Variants in DISC1 observed in about 807,000 individuals in gnomAD.
DISC1 encodes DISC1 scaffold protein.
A neutral mutation model predicts 84.5 loss-of-function variants in DISC1; 57 were observed. The ratio of observed to expected loss-of-function variants is 0.67; its 90% CI spans 0.55 to 0.84. The LOEUF (loss-of-function observed/expected upper bound fraction) is 0.84. Among genes scored for constraint, DISC1 ranks in the 40% least tolerant of loss-of-function variants. DISC1 has a pLI of 0.00. For synonymous variants in DISC1, 411 were observed against 415.2 expected, an observed-to-expected ratio of 0.99 and a Z score of 0.12; for missense variants, 1,000 against 1,057.8, an observed-to-expected ratio of 0.95 and a Z score of 0.76.
At chr1:231,890,199 C>T (rs774440449) in intron 9 of DISC1, among the ~76,000 whole-genome samples, 2 of 152,092 alleles carry the variant, frequency 1.3e-5, no homozygotes, top group South Asian at 4.1e-4. Flanking sequence ...ATATAAACTG[C>T]GTATTTTCAC....
At chr1:231,908,060 A>C (rs965137348) in intron 9 of DISC1, among the ~76,000 whole-genome samples, 2 of 152,174 alleles carry the variant, frequency 1.3e-5, no homozygotes, top group African/African-American at 4.8e-5. Context: ...AGTTCTTTGT[A>C]GATTCTGGAT....
rs541649503 is a variant in DISC1, at chr1:231,800,915, G to A, written c.1792+705G>A. Among the ~76,000 whole-genome samples the A allele has an allele frequency of 4.6e-5, 7 of 151,812 alleles. No homozygotes were observed. The South Asian group carries it at 1.0e-3, about 23-fold the overall frequency. On this transcript the variant is annotated intron_variant, in intron 8 of 12. Transcript: ENST00000439617. ...GGGGCTAAAGTCCAGGCCCTCTCTCGGTGTATTATATATGGATTTTTAACC... is the reference window on the plus strand; with the variant it reads ...GGGGCTAAAGTCCAGGCCCTCTCTCAGTGTATTATATATGGATTTTTAACC...
At chr1:231,641,904 C>A (rs1159108098) in intron 1 of DISC1, among the ~76,000 whole-genome samples, 1 of 152,246 alleles carries the variant, frequency 6.6e-6, no homozygotes, top group African/African-American at 2.4e-5. Flanking sequence ...GATCCCGCAC[C>A]GGGGCTACAG....
intron 9 of DISC1, among the ~76,000 whole-genome samples, chr1:231,928,521 A>AT (rs1224937424): frequency 6.6e-6 from 1 of 152,098 alleles, no homozygotes; most frequent in Non-Finnish European, 1.5e-5. Flanking sequence ...GGACTCATTG[A>AT]TTTTTTTGAA....
chr1:231,872,456 C>A (rs2085534443), intron 9 of DISC1, among the ~76,000 whole-genome samples: 1 of 152,110 alleles, frequency 6.6e-6, no homozygotes, highest in African/African-American at 2.4e-5. Context: ...CTAAAAGACC[C>A]CACAGTCTGA....
chr1:231,721,615 CA>C (rs1458821136), intron 3 of DISC1, among the ~76,000 whole-genome samples: 1 of 139,494 alleles, frequency 7.2e-6, no homozygotes, highest in Non-Finnish European at 1.6e-5. Flanking sequence ...TACAGCTGTT[CA>C]ACATTTTTTG....
intron 3 of DISC1, among the ~76,000 whole-genome samples, chr1:231,724,648 G>T (rs200844177): frequency 1.3e-5 from 2 of 152,096 alleles, no homozygotes; most frequent in Non-Finnish European, 2.9e-5. Context: ...ACTTTTCCTG[G>T]AATTCCTAAT....
intron 6 of DISC1, among the ~76,000 whole-genome samples, chr1:231,775,091 A>G (rs2076862152): frequency 1.3e-5 from 2 of 152,240 alleles, no homozygotes; most frequent in Non-Finnish European, 2.9e-5. Context: ...TGCAGAGACT[A>G]GTATTGTTAC....
chr1:231,770,803 T>A, intron 5 of DISC1, 32 bp from the exon 6 acceptor site: 2 of 1,605,934 alleles, frequency 1.2e-6, no homozygotes, highest in Non-Finnish European at 8.5e-7. Context: ...GCAGGGTTAA[T>A]TTATAAAATC....
chr1:231,694,908 C>T lies in DISC1; in HGVS notation c.1047+103C>T, dbSNP rs1334248980. ...GGGTTCTGGGCTCAACTGACTTCCT[C>T]CTGGAAGCTGCAGCAGCTCCTTTTG... On this transcript the variant is annotated intron_variant, in intron 2 of 12. Coordinates refer to ENST00000439617, the MANE Select transcript of DISC1 (RefSeq NM_018662.3). 2.0e-6 allele frequency: 3 copies of T among 1,520,726 alleles called. No homozygotes were observed. In the African/African-American group the frequency reaches 4.1e-5, roughly 21 times the overall value. The allele number at this position is 1,520,726 out of a possible 1,614,324, so 94.2% of individuals were successfully genotyped here.
Position 231,652,811 on chromosome 1 carries a change from G to A in DISC1, c.67+25877G>A, listed in dbSNP as rs538650261. ...TCTTTTTTTTCTGAGATGGAGGCTC[G>A]CTCTGTCGCCCAGGCTGGAGTGCAG... On this transcript the variant is annotated intron_variant, in intron 1 of 12. Coordinates refer to ENST00000439617, the MANE Select transcript of DISC1 (RefSeq NM_018662.3). Among the ~76,000 whole-genome samples, 16 of 152,060 alleles carry A rather than the reference G, an allele frequency of 1.1e-4. No homozygotes were observed. The East Asian group carries it at 2.1e-3, about 20-fold the overall frequency.
intron 9 of DISC1, among the ~76,000 whole-genome samples, chr1:231,886,767 CT>C (rs772721979): frequency 0.39 from 25,865 of 65,850 alleles, 2,941 homozygotes; most frequent in South Asian, 0.43. Context: ...TCCTTCCTTC[CT>C]TTCTTTCTTT....
chr1:231,798,177 C>T (rs1352702489), intron 7 of DISC1, among the ~76,000 whole-genome samples: 4 of 151,146 alleles, frequency 2.6e-5, no homozygotes, highest in African/African-American at 9.8e-5. Context: ...ACTCCTGTCT[C>T]AGAAAGAAAT....
At chr1:232,021,397 C>T (rs1190351313) in intron 11 of DISC1, among the ~76,000 whole-genome samples, 2 of 151,670 alleles carry the variant, frequency 1.3e-5, no homozygotes, top group African/African-American at 2.4e-5. Context: ...TGTGCCTGTA[C>T]TGTTCAATAA....
In DISC1 at chr1:231,694,834, G is replaced by C. The variant is rs186275638; in HGVS notation, c.1047+29G>C. On this transcript the variant is annotated intron_variant, in intron 2 of 12. Coordinates refer to ENST00000439617, the MANE Select transcript of DISC1 (RefSeq NM_018662.3). ...AGTGTCTCTTCCACCTCTGTGGCCC[G>C]AGATTGTCGTGAGCTCAGATTAGCA... 5 of 1,609,164 alleles carry C rather than the reference G, an allele frequency of 3.1e-6. No homozygotes were observed. The African/African-American group carries it at 6.7e-5, about 22-fold the overall frequency.
In DISC1 at chr1:231,694,282, G is replaced by C; in HGVS notation, c.524G>C (p.Gly175Ala). 6.2e-7 allele frequency: 1 copy of C among 1,614,258 alleles called. No homozygotes were observed. The highest frequency in any genetic ancestry group is 8.5e-7 in the Non-Finnish European group (1 of 1,180,046). The part of the protein sequence containing the change: ...SDGARRVRAA[G>A]SLPSAELSSN... ...GGAGCAAGGCGTGTCCGGGCAGCAGGCTCTCTGCCATCAGCAGAGTTGAGT... is the reference window on the plus strand; with the variant it reads ...GGAGCAAGGCGTGTCCGGGCAGCAGCCTCTCTGCCATCAGCAGAGTTGAGT... Residue 175 changes from glycine to alanine, a missense_variant, in exon 2 of 13, where the codon GGC (glycine) becomes GCC (alanine). Physicochemically the swap from Gly to Ala is moderately conservative, Grantham distance 60. Transcript: ENST00000439617.
chr1:231,950,214 G>C (rs1658098858), intron 9 of DISC1, among the ~76,000 whole-genome samples: 1 of 143,484 alleles, frequency 7.0e-6, no homozygotes, highest in African/African-American at 2.6e-5. Flanking sequence ...CTGTGTGTGT[G>C]TGTGTGTGTG....
chr1:231,771,550 T>C, intron 6 of DISC1: 1 of 985,442 alleles, frequency 1.0e-6, no homozygotes, highest in Non-Finnish European at 1.2e-6. Context: ...GTGCTTACCA[T>C]GTACCAGGCA....
At chr1:231,764,650 G>C (rs764991641) in intron 4 of DISC1, among the ~76,000 whole-genome samples, 1 of 152,138 alleles carries the variant, frequency 6.6e-6, no homozygotes, top group African/African-American at 2.4e-5. Context: ...AGCACGATTA[G>C]AGTATTTTCA....
Sources: gnomAD v4.1 joint callset for allele counts (sites outside exome capture counted in the v4.1 genomes callset) on GRCh38, gnomAD v4.1.1 for gene constraint, MANE v1.5 for transcripts, NCBI Gene and HGNC (gene_info 2026-07-23, HGNC 2026-07-21) for gene names.